LMOD1: variants seen among roughly 807,000 people sequenced by gnomAD.
LMOD1 encodes the protein leiomodin-1.
A neutral mutation model predicts 36.5 loss-of-function variants in LMOD1; 8 were observed. The observed-to-expected ratio is 0.22, with a 90% CI of 0.13 to 0.40. The LOEUF is 0.40. Ranked by LOEUF, LMOD1 falls within the 10% of genes least tolerant of loss-of-function variation. The pLI is 1.00. For missense variants in LMOD1, 630 were observed against 751.1 expected (o/e 0.84, Z 1.88); for synonymous variants, 284 against 288.7 (o/e 0.98, Z 0.17).
rs1361203770 is a variant in LMOD1, at chr1:201,899,344, C to T, written c.1669G>A (p.Ala557Thr). Residue 557 changes from alanine (A) to threonine (T), a missense_variant, in exon 2 of 3, where the codon GCT becomes ACT. This residue lies in a region of LMOD1 where 144 missense variants were observed against 169.8 expected (regional missense o/e 0.85). Transcript: ENST00000367288. This position sits in a 1 kb window ranked among gnomAD's most constrained non-coding sequence, Gnocchi z 6.3. ...TTGTCTCCCATCTTCCTCTGGGTAGCTGGTGAGAGTGAATTCTTCAGGTTC... is the reference window on the plus strand; with the variant it reads ...TTGTCTCCCATCTTCCTCTGGGTAGTTGGTGAGAGTGAATTCTTCAGGTTC... ...MENLKNSLSP[A>T]TQRKMGDKVL... The T allele has an allele frequency of 3.8e-6, 6 of 1,578,788 alleles. No individual in the cohort carries two copies. The highest frequency in any genetic ancestry group is 2.7e-5 in the African/African-American group (2 of 73,034).
intron 1 of LMOD1, among the ~76,000 whole-genome samples, chr1:201,918,320 C>T (rs1339927052): frequency 6.6e-6 from 1 of 152,232 alleles, no homozygotes. Flanking sequence ...CTTGCCTCCC[C>T]ACTGAACCCC....
intron 1 of LMOD1, among the ~76,000 whole-genome samples, chr1:201,906,882 A>G (rs1373116210): frequency 1.1e-4 from 1 of 9,042 alleles, no homozygotes; most frequent in African/African-American, 1.3e-4. Context: ...TAAAATAAAT[A>G]AATAAATATA....
intron 1 of LMOD1, among the ~76,000 whole-genome samples, chr1:201,902,812 A>C (rs1392411503): frequency 6.6e-6 from 1 of 152,108 alleles, no homozygotes; most frequent in East Asian, 1.9e-4. Context: ...CTTCCTCCGT[A>C]AGGTTGCACC....
At chr1:201,924,666 A>AAGAAAGAAAGAAAGAAAG (rs1681787810) in intron 1 of LMOD1, among the ~76,000 whole-genome samples, 8 of 3,498 alleles carry the variant, frequency 2.3e-3, no homozygotes, top group Admixed American at 5.7e-3. Flanking sequence ...GAAAGAAAAA[A>AAGAAAGAAAGAAAGAAAG]AAGAAAGAAA....
chr1:201,945,794 C>T (rs942790095), intron 1 of LMOD1, among the ~76,000 whole-genome samples: 1 of 152,294 alleles, frequency 6.6e-6, no homozygotes, highest in Admixed American at 6.5e-5. Flanking sequence ...GTCAACTTGA[C>T]AATGGACTCT....
chr1:201,902,120 A>G (rs1681341913), intron 1 of LMOD1, among the ~76,000 whole-genome samples: 1 of 151,930 alleles, frequency 6.6e-6, no homozygotes, highest in Admixed American at 6.6e-5. Flanking sequence ...TCTATCTACC[A>G]TCATCATCTC....
intron 1 of LMOD1, among the ~76,000 whole-genome samples, chr1:201,923,960 AAAAG>A (rs1180631976): frequency 2.0e-5 from 3 of 149,060 alleles, no homozygotes; most frequent in Non-Finnish European, 4.4e-5. Flanking sequence ...AAAGGAAAGA[AAAAG>A]AAAAAGGAAA....
intron 1 of LMOD1, among the ~76,000 whole-genome samples, chr1:201,937,301 T>A (rs938601648): frequency 1.3e-5 from 2 of 150,736 alleles, no homozygotes; most frequent in African/African-American, 4.9e-5. Context: ...TTAAAAATTA[T>A]CTGGGCGCGG....
chr1:201,899,106 A>C lies in LMOD1; in HGVS notation c.1776+131T>G. The C allele has an allele frequency of 2.3e-5, 18 of 767,188 alleles. No individual in the cohort carries two copies. Among genetic ancestry groups the C allele is most frequent in the East Asian group, 5.5e-5 (2 of 36,620 alleles). The allele number at this position is 767,188 out of a possible 1,614,324, so 47.5% of individuals were successfully genotyped here. On this transcript the variant is annotated intron_variant, in intron 2 of 2. Coordinates refer to ENST00000367288, the MANE Select transcript of LMOD1 (RefSeq NM_012134.3). This position sits in a 1 kb window ranked among gnomAD's most constrained non-coding sequence, Gnocchi z 6.3. ...TGCATGAGATGACCTGAAGTCCCCT[A>C]TGGGCCCTGGGAGTCTATATCATCT... is the stretch of plus-strand genomic sequence containing the variant.
intron 1 of LMOD1, among the ~76,000 whole-genome samples, chr1:201,942,346 G>A (rs1434653686): frequency 6.6e-6 from 1 of 152,216 alleles, no homozygotes; most frequent in African/African-American, 2.4e-5. Flanking sequence ...GTATTGGAGC[G>A]CTCAGACAAG....
chr1:201,920,364 T>G (rs1171885360), intron 1 of LMOD1, among the ~76,000 whole-genome samples: 1 of 152,022 alleles, frequency 6.6e-6, no homozygotes, highest in Non-Finnish European at 1.5e-5. Flanking sequence ...CCCAGTAAAA[T>G]GACATACTTT....
chr1:201,944,231 G>A (rs1388797725), intron 1 of LMOD1, among the ~76,000 whole-genome samples: 1 of 152,224 alleles, frequency 6.6e-6, no homozygotes, highest in Non-Finnish European at 1.5e-5. Flanking sequence ...GGACCTGGCA[G>A]GGGTGAGAGA....
At chr1:201,922,950 G>C (rs993756336) in intron 1 of LMOD1, among the ~76,000 whole-genome samples, 2 of 151,840 alleles carry the variant, frequency 1.3e-5, no homozygotes, top group African/African-American at 4.8e-5. Flanking sequence ...TCAGCCTCAC[G>C]AGTAGCTGGG....
intron 1 of LMOD1, among the ~76,000 whole-genome samples, chr1:201,933,047 G>A (rs1189123017): frequency 6.6e-6 from 1 of 152,148 alleles, no homozygotes; most frequent in African/African-American, 2.4e-5. Flanking sequence ...CAACCCAAAT[G>A]TCCATTAACA....
chr1:201,900,709 C>T lies in LMOD1; in HGVS notation c.304G>A (p.Glu102Lys). The T allele has an allele frequency of 6.2e-7, 1 of 1,611,628 alleles. No individual in the cohort carries two copies. The highest frequency in any genetic ancestry group is 2.2e-5 in the East Asian group (1 of 44,874). The change falls in exon 2 of 3, where the codon GAG (glutamate) becomes AAG (lysine). Residue 102 changes from glutamate (E) to lysine (K), a missense_variant. Physicochemically the swap from Glu to Lys is moderately conservative, Grantham distance 56. Around this residue, in one of 3 missense-constraint regions of LMOD1, gnomAD observed 405 missense variants for 400.6 expected, o/e 1.01. Transcript: ENST00000367288. ...VETKTDAKNG[E>K]ERGRDASKKA... The stretch of plus-strand genomic sequence containing the variant: ...TTGCTGGCATCTCTGCCCCTTTCCT[C>T]TCCATTCTTGGCATCTGTCTTGGTC...
chr1:201,929,928 A>T (rs868553671), intron 1 of LMOD1, among the ~76,000 whole-genome samples: 3 of 152,290 alleles, frequency 2.0e-5, no homozygotes, highest in Middle Eastern at 6.8e-3. Flanking sequence ...CACACAACTT[A>T]GGCTGGGGGG....
Position 201,900,168 on chromosome 1 carries a change from G to T in LMOD1, c.845C>A (p.Ala282Asp), listed in dbSNP as rs968309377. The change falls in exon 2 of 3, where the codon GCC (alanine) becomes GAC (aspartate). Residue 282 changes from alanine to aspartate, a missense_variant. Around this residue, in one of 3 missense-constraint regions of LMOD1, gnomAD observed 405 missense variants for 400.6 expected, o/e 1.01. Coordinates refer to ENST00000367288, the MANE Select transcript of LMOD1 (RefSeq NM_012134.3). ...TGTTTTGGTCTTGCTGTCATCCTTGGCTTCCTTTTCATGTAAGGGTTCATT... is the reference window on the plus strand; with the variant it reads ...TGTTTTGGTCTTGCTGTCATCCTTGTCTTCCTTTTCATGTAAGGGTTCATT... ...KKNEPLHEKE[A>D]KDDSKTKTPE... is the part of the protein sequence containing the mutation. The T allele has an allele frequency of 3.7e-6, 6 of 1,613,774 alleles. No homozygotes were observed. The highest frequency in any genetic ancestry group is 5.1e-6 in the Non-Finnish European group (6 of 1,179,884).
At chr1:201,915,865 GC>G (rs1681600449) in intron 1 of LMOD1, among the ~76,000 whole-genome samples, 1 of 151,946 alleles carries the variant, frequency 6.6e-6, no homozygotes, top group Admixed American at 6.6e-5. Flanking sequence ...TTGCACGGCA[GC>G]CCCAGGGACC....
chr1:201,925,756 G>A (rs766110164), intron 1 of LMOD1, among the ~76,000 whole-genome samples: 2 of 151,266 alleles, frequency 1.3e-5, no homozygotes, highest in Non-Finnish European at 2.9e-5. Flanking sequence ...CCAGGCTGGA[G>A]TGCAGTGGTG....
Sources: gnomAD v4.1 joint callset for allele counts (sites outside exome capture counted in the v4.1 genomes callset) on GRCh38, gnomAD v4.1.1 for gene constraint, gnomAD v4.1.1 regional missense constraint, Gnocchi (gnomAD v3.1) non-coding constraint, MANE v1.5 for transcripts, NCBI Gene and HGNC (gene_info 2026-07-23, HGNC 2026-07-21) for gene names.